Variants in GNAQ observed in about 807,000 individuals in gnomAD.
The protein encoded by GNAQ is G protein subunit alpha q.
A neutral mutation model predicts 43.9 loss-of-function variants in GNAQ; 8 were observed. The observed-to-expected ratio is 0.18, with a 90% CI of 0.11 to 0.33. The LOEUF (loss-of-function observed/expected upper bound fraction) is 0.33, where lower values mean the gene tolerates loss of function less well. Ranked by LOEUF, GNAQ falls within the 10% of genes least tolerant of loss-of-function variation. GNAQ has a pLI of 1.00. For missense variants in GNAQ, 158 were observed against 450.8 expected, an observed-to-expected ratio of 0.35 and a Z score of 5.88; for synonymous variants, 155 against 170.7, an observed-to-expected ratio of 0.91 and a Z score of 0.71.
chr9:77,753,783 T>C (rs989074877), intron 5 of GNAQ, among the ~76,000 whole-genome samples: 2 of 152,144 alleles, frequency 1.3e-5, no homozygotes, highest in African/African-American at 2.4e-5. Flanking sequence ...TATTGTACAA[T>C]ATGAATAACA....
chr9:77,771,474 T>C (rs1041544592), intron 5 of GNAQ, among the ~76,000 whole-genome samples: 5 of 152,210 alleles, frequency 3.3e-5, no homozygotes, highest in Admixed American at 2.6e-4. Context: ...AAACTAAATT[T>C]AACAGAAAAT....
At chr9:77,862,964 A>G (rs1827879649) in intron 2 of GNAQ, among the ~76,000 whole-genome samples, 1 of 152,214 alleles carries the variant, frequency 6.6e-6, no homozygotes, top group Non-Finnish European at 1.5e-5. Context: ...GGATCACCTG[A>G]GGTCAGGAGT....
At chr9:77,954,747 C>T (rs551548226) in intron 1 of GNAQ, among the ~76,000 whole-genome samples, 2 of 152,314 alleles carry the variant, frequency 1.3e-5, no homozygotes, top group African/African-American at 4.8e-5. Context: ...AGAGATCAGA[C>T]TACACCCACA....
chr9:77,874,109 AAAAAAAAC>A (rs1261057804), intron 2 of GNAQ, among the ~76,000 whole-genome samples: 2,963 of 148,146 alleles, frequency 0.02, 32 homozygotes, highest in African/African-American at 0.025. Flanking sequence ...CATCTCAAAA[AAAAAAAAC>A]AAAAAAACAA....
chr9:77,836,395 C>T (rs557837667), intron 2 of GNAQ, among the ~76,000 whole-genome samples: 4 of 152,164 alleles, frequency 2.6e-5, no homozygotes, highest in Non-Finnish European at 5.9e-5. Flanking sequence ...TGTAGATATG[C>T]TTGCAAAAGA....
intron 2 of GNAQ, among the ~76,000 whole-genome samples, chr9:77,860,861 T>G (rs536076529): frequency 6.6e-6 from 1 of 152,282 alleles, no homozygotes; most frequent in South Asian, 2.1e-4. Context: ...ACTCTCCTTA[T>G]CTCTCACTCT....
chr9:78,019,877 T>C (rs1335782161), intron 1 of GNAQ, among the ~76,000 whole-genome samples: 1 of 148,128 alleles, frequency 6.8e-6, no homozygotes, highest in Non-Finnish European at 1.5e-5. Context: ...TGAGCTGAGA[T>C]TGCGCCACTG....
In GNAQ at chr9:77,926,365, T is replaced by C. The variant is rs181506946; in HGVS notation, c.137-4020A>G. Among the ~76,000 whole-genome samples the C allele has an allele frequency of 3.0e-4, 45 of 152,248 alleles. No individual in the cohort carries two copies. In the East Asian group the frequency reaches 8.3e-3, roughly 28 times the overall value. Reference sequence around the variant, plus strand: ...AATTATGTTGTTTCCTAAGGCCACATGAAAATGAAAACTGTAAGAGACTTC... The same window carrying C: ...AATTATGTTGTTTCCTAAGGCCACACGAAAATGAAAACTGTAAGAGACTTC... On this transcript the variant is annotated intron_variant, in intron 1 of 6. Transcript: ENST00000286548.
At chr9:77,963,727 T>C (rs1290598843) in intron 1 of GNAQ, among the ~76,000 whole-genome samples, 3 of 152,092 alleles carry the variant, frequency 2.0e-5, no homozygotes, top group Admixed American at 2.0e-4. Context: ...AGAAAGTTAG[T>C]CAAAACTTTA....
chr9:78,026,064 TTTTC>T (rs1823976000), intron 1 of GNAQ, among the ~76,000 whole-genome samples: 1 of 152,156 alleles, frequency 6.6e-6, no homozygotes, highest in Admixed American at 6.5e-5. Flanking sequence ...GCTGAGATGG[TTTTC>T]TTTTTTAATG....
At chr9:78,014,976 G>C (rs1454762883) in intron 1 of GNAQ, among the ~76,000 whole-genome samples, 3 of 152,108 alleles carry the variant, frequency 2.0e-5, no homozygotes, top group African/African-American at 7.2e-5. Context: ...GGTAATACTT[G>C]TGTAACAAAC....
chr9:77,966,105 A>G (rs1159650594), intron 1 of GNAQ, among the ~76,000 whole-genome samples: 1 of 152,146 alleles, frequency 6.6e-6, no homozygotes, highest in African/African-American at 2.4e-5. Flanking sequence ...CCTCAGGTGT[A>G]AAACGTAACT....
At chr9:77,900,434 A>G (rs1828583851) in intron 2 of GNAQ, among the ~76,000 whole-genome samples, 1 of 152,188 alleles carries the variant, frequency 6.6e-6, no homozygotes, top group Admixed American at 6.5e-5. Flanking sequence ...AAACTGTGGG[A>G]TAACTATACG....
intron 5 of GNAQ, among the ~76,000 whole-genome samples, chr9:77,747,368 C>T (rs1038209167): frequency 6.6e-5 from 10 of 152,074 alleles, no homozygotes; most frequent in African/African-American, 2.4e-4. Context: ...CTTTTAACTC[C>T]TACTTTTGAT....
At chr9:77,835,033 C>T (rs1019327238) in intron 2 of GNAQ, among the ~76,000 whole-genome samples, 1 of 152,082 alleles carries the variant, frequency 6.6e-6, no homozygotes, top group African/African-American at 2.4e-5. Context: ...AAACCACAGA[C>T]AGTACTGAAT....
intron 2 of GNAQ, among the ~76,000 whole-genome samples, chr9:77,899,208 T>C (rs1378940392): frequency 2.0e-5 from 3 of 152,122 alleles, no homozygotes; most frequent in African/African-American, 7.2e-5. Flanking sequence ...GCTATTCTCC[T>C]GCCTCAGCCT....
At chr9:77,775,847 CCCAGCAGATGGAA>C (rs1826299391) in intron 5 of GNAQ, among the ~76,000 whole-genome samples, 1 of 152,160 alleles carries the variant, frequency 6.6e-6, no homozygotes, top group Non-Finnish European at 1.5e-5. Context: ...ATCACTTGAA[CCCAGCAGATGGAA>C]CCTGCAGTGA....
In GNAQ at chr9:78,014,793, T is replaced by G. The variant is rs149729283; in HGVS notation, c.136+16307A>C. Among the ~76,000 whole-genome samples, 615 of 152,250 alleles carry G rather than the reference T, an allele frequency of 4.0e-3. 1 individual carries two copies. Among genetic ancestry groups the G allele is most frequent in the African/African-American group, 0.013 (552 of 41,548 alleles). On this transcript the variant is annotated intron_variant, in intron 1 of 6. Transcript: ENST00000286548. ...GACAAAATTTTAATTCTCATCGACG[T>G]TTTTTAGGTACCTCATAAAAGAGTA...
chr9:77,928,019 C>T (rs951644675), intron 1 of GNAQ, among the ~76,000 whole-genome samples: 1 of 152,194 alleles, frequency 6.6e-6, no homozygotes, highest in Non-Finnish European at 1.5e-5. Flanking sequence ...TTCACATACA[C>T]TTGGATGAAG....
Sources: gnomAD v4.1 joint callset for allele counts (sites outside exome capture counted in the v4.1 genomes callset) on GRCh38, gnomAD v4.1.1 for gene constraint, MANE v1.5 for transcripts, NCBI Gene and HGNC (gene_info 2026-07-23, HGNC 2026-07-21) for gene names.